The following ZNF804B variants were observed in gnomAD, a reference collection of about 807,000 sequenced individuals.
The protein encoded by ZNF804B is zinc finger protein 804B, also known as zinc finger 804B.
Under a neutral mutation model 101.4 loss-of-function variants are expected in ZNF804B, and 80 were observed. That is an observed-to-expected ratio of 0.79 (90% CI 0.66 to 0.95). The LOEUF is 0.95. ZNF804B is among the 40% of genes least tolerant of loss of function. ZNF804B has a pLI of 0.00. For synonymous variants in ZNF804B, 622 were observed against 558.8 expected (o/e 1.11, Z -1.59); for missense variants, 1,673 against 1,561.9 (o/e 1.07, Z -1.20).
intron 1 of ZNF804B, among the ~76,000 whole-genome samples, chr7:88,799,245 A>T (rs1390703106): frequency 6.6e-6 from 1 of 152,050 alleles, no homozygotes; most frequent in Non-Finnish European, 1.5e-5. Context: ...ATTAAATACC[A>T]TTTATTATTT....
At chr7:88,856,917 T>C (rs949641791) in intron 1 of ZNF804B, among the ~76,000 whole-genome samples, 16 of 152,148 alleles carry the variant, frequency 1.1e-4, no homozygotes, top group Non-Finnish European at 1.3e-4. Context: ...GTTTATTGAT[T>C]TGTGTATGTT....
At chr7:88,828,428 C>G (rs552243995) in intron 1 of ZNF804B, among the ~76,000 whole-genome samples, 1 of 152,018 alleles carries the variant, frequency 6.6e-6, no homozygotes, top group East Asian at 1.9e-4. Flanking sequence ...CATGTTCATG[C>G]AATGCAGGGT....
intron 1 of ZNF804B, among the ~76,000 whole-genome samples, chr7:89,201,193 A>G (rs1788627112): frequency 6.6e-6 from 1 of 152,088 alleles, no homozygotes; most frequent in Non-Finnish European, 1.5e-5. Flanking sequence ...TTCACAGAAT[A>G]GAGATTTGCT....
At chr7:88,943,295 G>T (rs1793080762) in intron 1 of ZNF804B, among the ~76,000 whole-genome samples, 1 of 151,824 alleles carries the variant, frequency 6.6e-6, no homozygotes, top group African/African-American at 2.4e-5. Context: ...CCCATCTCCA[G>T]GCCTTGAAAG....
chr7:89,051,104 A>C (rs1789198328), intron 1 of ZNF804B, among the ~76,000 whole-genome samples: 1 of 152,050 alleles, frequency 6.6e-6, no homozygotes, highest in Non-Finnish European at 1.5e-5. Context: ...TCAACTATTC[A>C]TTTATTTATA....
chr7:88,947,155 C>T (rs948898807), intron 1 of ZNF804B, among the ~76,000 whole-genome samples: 10 of 151,928 alleles, frequency 6.6e-5, no homozygotes, highest in South Asian at 6.2e-4. Context: ...CCCAGCAATC[C>T]CATTACTGGG....
At chr7:89,186,589 T>C (rs1270230413) in intron 1 of ZNF804B, among the ~76,000 whole-genome samples, 2 of 148,394 alleles carry the variant, frequency 1.3e-5, no homozygotes, top group African/African-American at 5.0e-5. Flanking sequence ...TTCCCCTGTA[T>C]TTGCATTGCT....
intron 1 of ZNF804B, among the ~76,000 whole-genome samples, chr7:89,143,562 A>G (rs1790746905): frequency 1.3e-5 from 2 of 152,018 alleles, no homozygotes; most frequent in East Asian, 3.9e-4. Context: ...TGAATTATCT[A>G]TTTGTAAAGT....
At chr7:88,839,555 C>T (rs555723356) in intron 1 of ZNF804B, among the ~76,000 whole-genome samples, 1 of 151,908 alleles carries the variant, frequency 6.6e-6, no homozygotes, top group South Asian at 2.1e-4. Flanking sequence ...TTCTTAGCTT[C>T]AAGAAATTGA....
intron 3 of ZNF804B, among the ~76,000 whole-genome samples, chr7:89,329,495 G>GA (rs1790945246): frequency 6.6e-6 from 1 of 151,710 alleles, no homozygotes; most frequent in Admixed American, 6.6e-5. Context: ...GAGGGCTTCT[G>GA]AATAGGATGA....
chr7:89,052,926 A>G (rs1262959973), intron 1 of ZNF804B, among the ~76,000 whole-genome samples: 6 of 152,140 alleles, frequency 3.9e-5, no homozygotes, highest in African/African-American at 1.4e-4. Context: ...TTTTTCTGTC[A>G]CCTAGTTAGT....
chr7:89,063,938 T>A (rs74755321), intron 1 of ZNF804B, among the ~76,000 whole-genome samples: 1 of 152,160 alleles, frequency 6.6e-6, no homozygotes, highest in Admixed American at 6.5e-5. Flanking sequence ...AGTAGTATTG[T>A]GTGTTACTCT....
intron 1 of ZNF804B, among the ~76,000 whole-genome samples, chr7:89,099,260 A>C (rs1380362246): frequency 6.6e-6 from 1 of 152,078 alleles, no homozygotes; most frequent in Admixed American, 6.6e-5. Flanking sequence ...CTATATCATA[A>C]CTTGAAATCT....
At chr7:89,097,524 G>C (rs932719972) in intron 1 of ZNF804B, among the ~76,000 whole-genome samples, 3 of 152,142 alleles carry the variant, frequency 2.0e-5, no homozygotes, top group African/African-American at 7.2e-5. Flanking sequence ...GAAGAACCAA[G>C]CTGGAGACTA....
At chr7:89,283,466 G>A (rs906887972) in intron 2 of ZNF804B, among the ~76,000 whole-genome samples, 4 of 152,122 alleles carry the variant, frequency 2.6e-5, no homozygotes, top group Non-Finnish European at 5.9e-5. Flanking sequence ...TGTATTTATA[G>A]TGTGTGGACT....
chr7:89,014,344 C>T (rs1368869445), intron 1 of ZNF804B, among the ~76,000 whole-genome samples: 1 of 152,102 alleles, frequency 6.6e-6, no homozygotes, highest in African/African-American at 2.4e-5. Context: ...TGGAGTCTCA[C>T]TCTGTTGCCC....
chr7:88,971,962 T>C (rs1793545510), intron 1 of ZNF804B, among the ~76,000 whole-genome samples: 1 of 151,472 alleles, frequency 6.6e-6, no homozygotes, highest in African/African-American at 2.4e-5. Context: ...ACCAGAGTTG[T>C]AGATCTAGAG....
At chr7:89,176,786 A>G (rs1160946809) in intron 1 of ZNF804B, among the ~76,000 whole-genome samples, 1 of 151,064 alleles carries the variant, frequency 6.6e-6, no homozygotes, top group Non-Finnish European at 1.5e-5. Context: ...CCTTGGTGGG[A>G]GACTTTTTAT....
intron 1 of ZNF804B, among the ~76,000 whole-genome samples, chr7:88,767,650 G>A (rs1310034487): frequency 6.6e-6 from 1 of 152,126 alleles, no homozygotes; most frequent in African/African-American, 2.4e-5. Flanking sequence ...CATGGAGGTG[G>A]CCATATTACT....
Sources: gnomAD v4.1 joint callset for allele counts (sites outside exome capture counted in the v4.1 genomes callset) on GRCh38, gnomAD v4.1.1 for gene constraint, MANE v1.5 for transcripts, NCBI Gene and HGNC (gene_info 2026-07-23, HGNC 2026-07-21) for gene names.